EIF5A2: variants seen among roughly 807,000 people sequenced by gnomAD.
The protein encoded by EIF5A2 is eukaryotic translation initiation factor 5A2.
EIF5A2 carries 15 observed loss-of-function variants against 16.4 expected under a neutral mutation model. The ratio of observed to expected loss-of-function variants is 0.92; its 90% CI spans 0.61 to 1.41. The LOEUF is 1.41. Among genes scored for constraint, EIF5A2 ranks in the 40% most tolerant of loss-of-function variants. The pLI is 0.00. For synonymous variants in EIF5A2, 48 were observed against 61.1 expected, an observed-to-expected ratio of 0.79 and a Z score of 1.00; for missense variants, 144 against 189.5, an observed-to-expected ratio of 0.76 and a Z score of 1.41.
Position 170,889,780 on chromosome 3 carries a change from C to T in EIF5A2, c.*3580G>A, listed in dbSNP as rs1256598404. On this transcript the variant is annotated 3_prime_UTR_variant, in exon 5 of 5. Transcript: ENST00000295822. The stretch of plus-strand genomic sequence containing the variant: ...GAACCTCTACATCAATGCCTGGCTC[C>T]AAAACTATCTCTGGGGTCCATGCCA... The T allele has an allele frequency of 1.3e-5, 2 of 152,364 alleles. No individual in the cohort carries two copies. Among genetic ancestry groups the T allele is most frequent in the Admixed American group, 1.3e-4 (2 of 15,248 alleles). 9.4% of individuals were successfully genotyped at this position (152,364 alleles called of 1,614,324 possible).
At chr3:170,906,114 G>T (rs557622426) in intron 3 of EIF5A2, among the ~76,000 whole-genome samples, 2 of 152,260 alleles carry the variant, frequency 1.3e-5, no homozygotes, top group South Asian at 2.1e-4. Flanking sequence ...AAAGGGTACA[G>T]AAAAAAATCA....
rs1249780814 is a variant in EIF5A2 at position 170,889,046 on chromosome 3, G to GTTTTTTT, written c.*4313_*4314insAAAAAAA. On this transcript the variant is annotated 3_prime_UTR_variant, in exon 5 of 5. Coordinates refer to ENST00000295822, the MANE Select transcript of EIF5A2 (RefSeq NM_020390.6). ...GGACTTCATATAAATACAATAACCT[G>GTTTTTTT]TCTTTTTTTTTTTTTTTTTTTTTTT... 8.5e-4 allele frequency: 22 copies of GTTTTTTT among 25,820 alleles called. No individual in the cohort carries two copies. Among genetic ancestry groups the GTTTTTTT allele is most frequent in the Non-Finnish European group, 1.3e-3 (18 of 13,722 alleles). The allele number at this position is 25,820 out of a possible 1,614,324, so 1.6% of individuals were successfully genotyped here.
intron 3 of EIF5A2, among the ~76,000 whole-genome samples, chr3:170,898,431 C>T (rs1046999617): frequency 2.0e-5 from 3 of 152,116 alleles, no homozygotes; most frequent in Non-Finnish European, 2.9e-5. Context: ...GGGCAGTTTC[C>T]CTCATGCTGT....
intron 3 of EIF5A2, among the ~76,000 whole-genome samples, chr3:170,901,070 T>C (rs1303271802): frequency 6.6e-6 from 1 of 152,190 alleles, no homozygotes; most frequent in Non-Finnish European, 1.5e-5. Flanking sequence ...ACTCTATATC[T>C]TACTACCAAG....
At chr3:170,898,458 G>A (rs1325547591) in intron 3 of EIF5A2, among the ~76,000 whole-genome samples, 1 of 152,114 alleles carries the variant, frequency 6.6e-6, no homozygotes, top group Admixed American at 6.6e-5. Context: ...GATAGTAAGT[G>A]AGTTCTCATG....
intron 3 of EIF5A2, among the ~76,000 whole-genome samples, chr3:170,896,350 T>G (rs1712669799): frequency 6.6e-6 from 1 of 152,112 alleles, no homozygotes; most frequent in African/African-American, 2.4e-5. Context: ...ACAAAAATAA[T>G]GAGAATGAAT....
Position 170,894,360 on chromosome 3 carries a change from G to C in EIF5A2, c.334C>G (p.Leu112Val), listed in dbSNP as rs1219324852. ...LTETGEVRED[L>V]KLPEGELGKE... is the part of the protein sequence containing the mutation. The stretch of plus-strand genomic sequence containing the variant: ...CCTAGTTCACCTTCTGGCAGTTTAA[G>C]ATCCTCACGAACTTCACCAGTTTCT... Residue 112 changes from leucine (L) to valine (V), a missense_variant, in exon 4 of 5, where the codon CTT becomes GTT. Leu to Val is a conservative substitution (Grantham distance 32). Coordinates refer to ENST00000295822, the MANE Select transcript of EIF5A2 (RefSeq NM_020390.6). The C allele has an allele frequency of 6.2e-7, 1 of 1,613,872 alleles. No individual in the cohort carries two copies. Among genetic ancestry groups the C allele is most frequent in the East Asian group, 2.2e-5 (1 of 44,846 alleles).
intron 3 of EIF5A2, among the ~76,000 whole-genome samples, chr3:170,898,856 ATTC>A (rs1409345962): frequency 2.6e-5 from 4 of 151,738 alleles, no homozygotes; most frequent in East Asian, 1.9e-4. Flanking sequence ...TATCATATAT[ATTC>A]TTATTATTTT....
chr3:170,907,849 A>G lies in EIF5A2; in HGVS notation c.-35-8T>C, dbSNP rs770426311. ...GTAGTTTTTCCGTGGGAACTACACA[A>G]AAAGTTTGTGTTTGCTTTTTAACAA... On this transcript the variant is annotated splice_region_variant and splice_polypyrimidine_tract_variant and intron_variant, in intron 1 of 4. Coordinates refer to ENST00000295822, the MANE Select transcript of EIF5A2 (RefSeq NM_020390.6). The G allele has an allele frequency of 3.3e-6, 5 of 1,495,306 alleles. No individual in the cohort carries two copies. In the African/African-American group the frequency reaches 7.0e-5, roughly 21 times the overall value. The allele number at this position is 1,495,306 out of a possible 1,614,324, so 92.6% of individuals were successfully genotyped here. A position where few individuals can be genotyped will look rare whatever the true frequency, so the allele number is the denominator to read the frequency against.
In EIF5A2 at chr3:170,892,693, A is replaced by C. The variant is rs548606610; in HGVS notation, c.*667T>G. The C allele has an allele frequency of 4.5e-4, 180 of 398,266 alleles. No individual in the cohort carries two copies. In the East Asian group the frequency reaches 6.1e-3, roughly 13 times the overall value. The allele number at this position is 398,266 out of a possible 1,614,324, so 24.7% of individuals were successfully genotyped here. Reference sequence around the variant, plus strand: ...TCTTTTGTGTCTTCCTTATAATCTTACTTGCTAACTAACTTTCACCCAACA... The same window carrying C: ...TCTTTTGTGTCTTCCTTATAATCTTCCTTGCTAACTAACTTTCACCCAACA... On this transcript the variant is annotated 3_prime_UTR_variant, in exon 5 of 5. Coordinates refer to ENST00000295822, the MANE Select transcript of EIF5A2 (RefSeq NM_020390.6).
chr3:170,900,756 C>T, intron 3 of EIF5A2, among the ~76,000 whole-genome samples: 1 of 151,740 alleles, frequency 6.6e-6, no homozygotes, highest in East Asian at 1.9e-4. Flanking sequence ...TCAAATACAC[C>T]CACCCCCGCT....
At chr3:170,908,159 C>T (rs1712989717) in intron 1 of EIF5A2, among the ~76,000 whole-genome samples, 1 of 152,214 alleles carries the variant, frequency 6.6e-6, no homozygotes, top group African/African-American at 2.4e-5. Context: ...CCCCCGCCGC[C>T]CAGCCCTCGG....
chr3:170,895,220 A>G (rs1712640389), intron 3 of EIF5A2, among the ~76,000 whole-genome samples: 1 of 152,060 alleles, frequency 6.6e-6, no homozygotes, highest in Non-Finnish European at 1.5e-5. Flanking sequence ...TATTTTTGCT[A>G]TTACAAACAA....
At position 170,891,493 on chromosome 3, in the gene EIF5A2, C is replaced by T. The variant is rs1270967934; in HGVS notation, c.*1867G>A. Reference sequence around the variant, plus strand: ...TTGCTTCTTCCCCAAATTGGTTTGCCGAGGCTAAGACAATATTTAAAAGTG... The same window carrying T: ...TTGCTTCTTCCCCAAATTGGTTTGCTGAGGCTAAGACAATATTTAAAAGTG... On this transcript the variant is annotated 3_prime_UTR_variant, in exon 5 of 5. Coordinates refer to ENST00000295822, the MANE Select transcript of EIF5A2 (RefSeq NM_020390.6). The T allele has an allele frequency of 2.0e-5, 3 of 152,458 alleles. No homozygotes were observed. Among genetic ancestry groups the T allele is most frequent in the South Asian group, 2.1e-4 (1 of 4,822 alleles). 9.4% of individuals were successfully genotyped at this position (152,458 alleles called of 1,614,324 possible).
chr3:170,893,039 A>G lies in EIF5A2; in HGVS notation c.*321T>C. On this transcript the variant is annotated 3_prime_UTR_variant, in exon 5 of 5. Transcript: ENST00000295822. ...ATTGTTTGATTTAAAACCCTGGTTT[A>G]TCATCTAACTAAAACACAGGAATGA... is the stretch of plus-strand genomic sequence containing the variant. 2 of 421,916 alleles carry G rather than the reference A, an allele frequency of 4.7e-6. No homozygotes were observed. The highest frequency in any genetic ancestry group is 7.0e-5 in the East Asian group (2 of 28,684). The allele number at this position is 421,916 out of a possible 1,614,324, so 26.1% of individuals were successfully genotyped here.
chr3:170,898,796 T>C (rs1712735159), intron 3 of EIF5A2, among the ~76,000 whole-genome samples: 1 of 151,970 alleles, frequency 6.6e-6, no homozygotes, highest in African/African-American at 2.4e-5. Flanking sequence ...TTGTTCACAT[T>C]TAATCACATG....
At chr3:170,898,082 C>T (rs1323649880) in intron 3 of EIF5A2, among the ~76,000 whole-genome samples, 2 of 152,204 alleles carry the variant, frequency 1.3e-5, no homozygotes, top group Non-Finnish European at 2.9e-5. Flanking sequence ...GCCAATTTCT[C>T]CCATTTGAAA....
intron 3 of EIF5A2, among the ~76,000 whole-genome samples, chr3:170,898,551 C>T (rs183425025): frequency 1.3e-5 from 2 of 152,274 alleles, no homozygotes; most frequent in African/African-American, 4.8e-5. Context: ...CCTTGCTTCC[C>T]TTTCACCTTC....
Position 170,889,672 on chromosome 3 carries a change from T to C in EIF5A2, c.*3688A>G, listed in dbSNP as rs929681989. ...TCATAGTAAATGCGTTCCTAGTTCA[T>C]ATTACAGAATTCAGTATGTAAACAT... On this transcript the variant is annotated 3_prime_UTR_variant, in exon 5 of 5. Transcript: ENST00000295822. 2 of 152,562 alleles carry C rather than the reference T, an allele frequency of 1.3e-5. No individual in the cohort carries two copies. 9.5% of individuals were successfully genotyped at this position (152,562 alleles called of 1,614,324 possible).
Sources: allele counts gnomAD v4.1 joint callset (sites outside exome capture counted in the v4.1 genomes callset), GRCh38; gene constraint gnomAD v4.1.1; transcripts MANE v1.5; gene names NCBI Gene and HGNC (gene_info 2026-07-23, HGNC 2026-07-21).